The following FSTL4 variants were observed in gnomAD, a reference collection of about 807,000 sequenced individuals.
FSTL4 encodes the protein follistatin like 4, also known as follistatin-related protein 4.
A neutral mutation model predicts 78.2 loss-of-function variants in FSTL4; 28 were observed. The observed-to-expected ratio is 0.36, with a 90% CI of 0.27 to 0.49. FSTL4 has a LOEUF of 0.49. FSTL4 is among the 20% of genes least tolerant of loss of function. The pLI, the probability that FSTL4 is intolerant of heterozygous loss-of-function variation, is 0.98. For missense variants in FSTL4, 922 were observed against 1,084.9 expected (o/e 0.85, Z 2.11); for synonymous variants, 422 against 440.5 (o/e 0.96, Z 0.53).
chr5:133,831,983 G>A, the FSTL4 span, among the ~76,000 whole-genome samples: 1 of 152,236 alleles, frequency 6.6e-6, no homozygotes. Flanking sequence ...GAGGGAAGCT[G>A]AGCAAGTGTC....
the FSTL4 span, among the ~76,000 whole-genome samples, chr5:133,708,792 G>A: frequency 6.6e-6 from 1 of 152,212 alleles, no homozygotes; most frequent in East Asian, 1.9e-4. Context: ...ATGATGTGGG[G>A]GCTATTGCCT....
chr5:133,674,520 A>T, the FSTL4 span, among the ~76,000 whole-genome samples: 6 of 152,202 alleles, frequency 3.9e-5, no homozygotes, highest in Non-Finnish European at 2.9e-5. Flanking sequence ...AGATCCCATT[A>T]AGATGAAAAG....
intron 2 of FSTL4, among the ~76,000 whole-genome samples, chr5:133,569,675 G>A (rs1392567295): frequency 6.6e-6 from 1 of 152,110 alleles, no homozygotes; most frequent in Non-Finnish European, 1.5e-5. Context: ...CATTTAAGGA[G>A]ATAATCATAT....
chr5:133,221,442 G>A (rs1465990820), intron 11 of FSTL4, among the ~76,000 whole-genome samples: 1 of 110,290 alleles, frequency 9.1e-6, no homozygotes, highest in African/African-American at 3.5e-5. Flanking sequence ...CTGGCAGCCC[G>A]TGCCAGGCAG....
intron 7 of FSTL4, chr5:133,243,630 T>C (rs1751945523): frequency 1.3e-5 from 2 of 152,258 alleles, no homozygotes; most frequent in Non-Finnish European, 2.9e-5. Flanking sequence ...TGTAGGCCCA[T>C]GGGCAAGTTC....
intron 3 of FSTL4, among the ~76,000 whole-genome samples, chr5:133,437,003 TG>T (rs1485348310): frequency 2.6e-5 from 4 of 152,202 alleles, no homozygotes; most frequent in Non-Finnish European, 5.9e-5. Flanking sequence ...AATGATGGAT[TG>T]GATTGAGTTG....
At chr5:133,727,841 C>A in the FSTL4 span, among the ~76,000 whole-genome samples, 1 of 152,172 alleles carries the variant, frequency 6.6e-6, no homozygotes, top group East Asian at 1.9e-4. Context: ...TTCCAGGATG[C>A]AGCGTCAGGG....
the FSTL4 span, among the ~76,000 whole-genome samples, chr5:133,678,549 G>A: frequency 6.8e-6 from 1 of 146,074 alleles, no homozygotes; most frequent in Admixed American, 7.1e-5. Context: ...AGAGGGGCAG[G>A]TCTGTGTTTG....
intron 3 of FSTL4, among the ~76,000 whole-genome samples, chr5:133,447,877 G>T (rs1045569250): frequency 7.2e-5 from 11 of 152,100 alleles, no homozygotes; most frequent in African/African-American, 2.7e-4. Flanking sequence ...TTTAGTGCAA[G>T]CTACATAATC....
the FSTL4 span, among the ~76,000 whole-genome samples, chr5:133,701,481 A>ACG: frequency 8.2e-6 from 1 of 121,968 alleles, no homozygotes; most frequent in Non-Finnish European, 1.7e-5. Flanking sequence ...ACACACACAC[A>ACG]CACACACACA....
At chr5:133,739,358 G>A in the FSTL4 span, among the ~76,000 whole-genome samples, 13 of 150,532 alleles carry the variant, frequency 8.6e-5, 1 homozygote, top group South Asian at 6.3e-4. Context: ...AAGTGAGCCC[G>A]CCAGGAGGCA....
chr5:133,823,428 G>C, the FSTL4 span, among the ~76,000 whole-genome samples: 34 of 152,258 alleles, frequency 2.2e-4, no homozygotes, highest in African/African-American at 7.7e-4. Flanking sequence ...GGGCTGGTTT[G>C]GGCCCCCTTG....
At chr5:133,748,962 G>C in the FSTL4 span, among the ~76,000 whole-genome samples, 7 of 152,350 alleles carry the variant, frequency 4.6e-5, no homozygotes, top group African/African-American at 1.4e-4. Flanking sequence ...TTTGGGTAAA[G>C]AGCAGATGCA....
chr5:133,505,184 C>T (rs1192326550), intron 3 of FSTL4, among the ~76,000 whole-genome samples: 1 of 151,960 alleles, frequency 6.6e-6, no homozygotes, highest in Non-Finnish European at 1.5e-5. Context: ...GGTGGTATTA[C>T]AAGTAATTTT....
At chr5:133,476,931 C>T (rs1007380571) in intron 3 of FSTL4, among the ~76,000 whole-genome samples, 5 of 152,220 alleles carry the variant, frequency 3.3e-5, no homozygotes, top group African/African-American at 1.2e-4. Context: ...CTAAAGTTTA[C>T]ACCCATGACC....
chr5:133,725,446 C>T, the FSTL4 span, among the ~76,000 whole-genome samples: 2 of 152,234 alleles, frequency 1.3e-5, no homozygotes, highest in African/African-American at 4.8e-5. Context: ...TCTCCACGAG[C>T]CACCCACTCC....
chr5:133,677,355 T>C, the FSTL4 span, among the ~76,000 whole-genome samples: 1 of 152,222 alleles, frequency 6.6e-6, no homozygotes, highest in Non-Finnish European at 1.5e-5. Flanking sequence ...GTTTAGCCCC[T>C]GCATGGATGT....
At chr5:133,685,544 A>G in the FSTL4 span, among the ~76,000 whole-genome samples, 9 of 152,242 alleles carry the variant, frequency 5.9e-5, no homozygotes, top group Non-Finnish European at 8.8e-5. Flanking sequence ...GAAGTGCTGC[A>G]TTCATGTGAG....
chr5:133,531,453 C>T (rs1224677949), intron 3 of FSTL4, among the ~76,000 whole-genome samples: 2 of 152,188 alleles, frequency 1.3e-5, no homozygotes, highest in Non-Finnish European at 2.9e-5. Flanking sequence ...GGAATATCCC[C>T]TGGAAAGACT....
Sources: gnomAD v4.1 joint callset for allele counts (sites outside exome capture counted in the v4.1 genomes callset) on GRCh38, gnomAD v4.1.1 for gene constraint, MANE v1.5 for transcripts, NCBI Gene and HGNC (gene_info 2026-07-23, HGNC 2026-07-21) for gene names.